Variants in LMBRD1 observed in about 807,000 individuals in gnomAD.
LMBRD1 encodes LMBR1 domain containing 1.
In LMBRD1, 64 loss-of-function variants were observed where a neutral mutation model predicts 74.8. The ratio of observed to expected loss-of-function variants is 0.86; its 90% CI spans 0.70 to 1.05. The LOEUF (loss-of-function observed/expected upper bound fraction) is 1.05. Among genes scored for constraint, LMBRD1 ranks in the 50% least tolerant of loss-of-function variants. The probability of loss-of-function intolerance (pLI) is 0.00; values close to 1 mark genes in which losing one functional copy is unlikely to be tolerated. For missense variants in LMBRD1, 652 were observed against 645.9 expected (o/e 1.01, Z -0.10); for synonymous variants, 204 against 216.3 (o/e 0.94, Z 0.50).
At chr6:69,710,889 AAAC>A (rs1487030762) in intron 9 of LMBRD1, among the ~76,000 whole-genome samples, 1 of 152,178 alleles carries the variant, frequency 6.6e-6, no homozygotes, top group East Asian at 1.9e-4. Context: ...CCCTTTTGGA[AAAC>A]AACTTCGGCA....
intron 5 of LMBRD1, among the ~76,000 whole-genome samples, chr6:69,747,111 A>C (rs1178039760): frequency 6.6e-6 from 1 of 151,976 alleles, no homozygotes; most frequent in Non-Finnish European, 1.5e-5. Context: ...CCCCCAATGT[A>C]ATGGTATTTG....
intron 3 of LMBRD1, among the ~76,000 whole-genome samples, chr6:69,778,375 GGGA>G (rs2149891936): frequency 6.6e-6 from 1 of 152,276 alleles, no homozygotes; most frequent in African/African-American, 2.4e-5. Flanking sequence ...CACCATCTTT[GGGA>G]GGACTAAGAA....
Position 69,674,738 on chromosome 6 carries a change from G to C in LMBRD1, c.*1420C>G, listed in dbSNP as rs754374308. Among the ~76,000 whole-genome samples, 2 of 152,144 alleles carry C rather than the reference G, an allele frequency of 1.3e-5. No homozygotes were observed. The highest frequency in any genetic ancestry group is 2.9e-5 in the Non-Finnish European group (2 of 68,014). On this transcript the variant is annotated 3_prime_UTR_variant, in exon 16 of 16. Coordinates refer to ENST00000649934, the MANE Select transcript of LMBRD1 (RefSeq NM_018368.4). The stretch of plus-strand genomic sequence containing the variant: ...GCCTGTAATCCCAGCACTTTGGGAG[G>C]CCACTGTGGGTGGATCATGAGGTCA...
At chr6:69,730,290 T>C (rs1766827762) in intron 7 of LMBRD1, among the ~76,000 whole-genome samples, 1 of 152,126 alleles carries the variant, frequency 6.6e-6, no homozygotes, top group Admixed American at 6.6e-5. Context: ...TTTCCAACTC[T>C]GCAGGCCTTA....
intron 5 of LMBRD1, among the ~76,000 whole-genome samples, chr6:69,745,302 A>G (rs1767197596): frequency 7.0e-6 from 1 of 143,636 alleles, no homozygotes; most frequent in Non-Finnish European, 1.5e-5. Flanking sequence ...CCCAGGTCGG[A>G]CTGCGGACTG....
At chr6:69,779,771 C>G (rs1032223978) in intron 3 of LMBRD1, among the ~76,000 whole-genome samples, 4 of 152,054 alleles carry the variant, frequency 2.6e-5, no homozygotes, top group African/African-American at 9.7e-5. Context: ...ATTATTTATT[C>G]CTGTTGTAGA....
At chr6:69,795,975 T>G (rs980889979) in intron 1 of LMBRD1, among the ~76,000 whole-genome samples, 2 of 152,080 alleles carry the variant, frequency 1.3e-5, no homozygotes, top group Non-Finnish European at 2.9e-5. Flanking sequence ...CCTCGGACGA[T>G]GAGAAAAGAG....
rs75847296 is a variant in LMBRD1 at position 69,701,556 on chromosome 6, T to A, written c.981-11A>T. On this transcript the variant is annotated splice_polypyrimidine_tract_variant and intron_variant, in intron 10 of 15. Coordinates refer to ENST00000649934, the MANE Select transcript of LMBRD1 (RefSeq NM_018368.4). ...AGAGCTTTATCTAAACTAAAAAAAA[T>A]TACAAAGAATGAAATTTATGTTATA... The A allele has an allele frequency of 7.3e-4, 1,091 of 1,490,656 alleles. 11 individuals carry two copies. The East Asian group carries it at 0.02, about 28-fold the overall frequency. The allele number at this position is 1,490,656 out of a possible 1,614,324, so 92.3% of individuals were successfully genotyped here.
intron 6 of LMBRD1, among the ~76,000 whole-genome samples, chr6:69,740,304 AAT>A (rs1491059104): frequency 6.6e-6 from 1 of 152,196 alleles, no homozygotes; most frequent in Non-Finnish European, 1.5e-5. Context: ...AGACAAAAAA[AAT>A]AAAGACTAAA....
chr6:69,730,396 A>G (rs1163755658), intron 7 of LMBRD1, among the ~76,000 whole-genome samples: 2 of 152,092 alleles, frequency 1.3e-5, no homozygotes, highest in Non-Finnish European at 2.9e-5. Flanking sequence ...TGTACATGTT[A>G]TTATGATTAA....
intron 8 of LMBRD1, among the ~76,000 whole-genome samples, chr6:69,716,700 T>C (rs1766498036): frequency 6.6e-6 from 1 of 152,000 alleles, no homozygotes; most frequent in South Asian, 2.1e-4. Context: ...AGATGGTATC[T>C]AGATTTAACA....
chr6:69,739,000 T>G (rs1767036690), intron 6 of LMBRD1, among the ~76,000 whole-genome samples: 1 of 152,120 alleles, frequency 6.6e-6, no homozygotes, highest in African/African-American at 2.4e-5. Flanking sequence ...CAAGGCAAAT[T>G]TTTAAGCCTT....
At chr6:69,701,192 A>G (rs1766121884) in intron 11 of LMBRD1, among the ~76,000 whole-genome samples, 1 of 151,906 alleles carries the variant, frequency 6.6e-6, no homozygotes, top group African/African-American at 2.4e-5. Flanking sequence ...GTTATATAAT[A>G]TATCCCAAGT....
intron 7 of LMBRD1, among the ~76,000 whole-genome samples, chr6:69,736,188 T>C (rs866226377): frequency 6.6e-6 from 1 of 152,190 alleles, no homozygotes; most frequent in Admixed American, 6.5e-5. Context: ...CAGGAGCTAA[T>C]TGACCCCCCC....
At chr6:69,749,288 TCAAATAATTC>T in intron 5 of LMBRD1, 43 bp downstream of exon 5, 1 of 1,341,974 alleles carries the variant, frequency 7.5e-7, no homozygotes, top group South Asian at 1.3e-5. Flanking sequence ...ATTTTTTTTT[TCAAATAATTC>T]TATTTCCATT....
chr6:69,796,686 A>C, intron 1 of LMBRD1, 127 bp downstream of exon 1: 6 of 771,440 alleles, frequency 7.8e-6, no homozygotes, highest in Non-Finnish European at 1.1e-5. Flanking sequence ...GGAGCCCTCC[A>C]CAGTCCAAGC....
rs1377808893 is a variant in LMBRD1, at chr6:69,790,424, G to A, written c.118C>T (p.Arg40Trp). Reference protein sequence around the residue: ...WIYVRKYQSRRESEVVSTITA... With the variant: ...WIYVRKYQSRWESEVVSTITA... ...ATGGTGGAGACAACTTCACTTTCCC[G>A]CCGACTTTGGTATTTACGAACATAT... is the stretch of plus-strand genomic sequence containing the variant. The change falls in exon 2 of 16, where the codon CGG (arginine) becomes TGG (tryptophan). Residue 40 changes from arginine (R) to tryptophan (W), a missense_variant. By Grantham distance (101) the Arg-to-Trp change is moderately radical (BLOSUM62 -3). Coordinates refer to ENST00000649934, the MANE Select transcript of LMBRD1 (RefSeq NM_018368.4). The A allele has an allele frequency of 4.3e-6, 7 of 1,613,810 alleles. No individual in the cohort carries two copies. Among genetic ancestry groups the A allele is most frequent in the African/African-American group, 1.3e-5 (1 of 74,902 alleles).
chr6:69,794,384 G>A (rs762206873), intron 1 of LMBRD1, among the ~76,000 whole-genome samples: 2 of 152,114 alleles, frequency 1.3e-5, no homozygotes, highest in Non-Finnish European at 2.9e-5. Context: ...ATACTTTGTG[G>A]GGTAAAATAT....
intron 8 of LMBRD1, 99 bp from the exon 9 acceptor site, chr6:69,713,896 A>T: frequency 2.3e-6 from 3 of 1,329,170 alleles, no homozygotes; most frequent in South Asian, 1.2e-5. Context: ...TTCAGGATGG[A>T]CACTCTTTAG....
Sources: gnomAD v4.1 joint callset for allele counts (sites outside exome capture counted in the v4.1 genomes callset) on GRCh38, gnomAD v4.1.1 for gene constraint, MANE v1.5 for transcripts, NCBI Gene and HGNC (gene_info 2026-07-23, HGNC 2026-07-21) for gene names.